EFNA5: variants seen among roughly 807,000 people sequenced by gnomAD.
EFNA5 encodes the protein ephrin-A5.
Under a neutral mutation model 22.9 loss-of-function variants are expected in EFNA5, and 5 were observed. The ratio of observed to expected loss-of-function variants is 0.22; its 90% CI spans 0.11 to 0.46. EFNA5 has a LOEUF of 0.46. EFNA5 is among the 20% of genes least tolerant of loss of function. EFNA5 has a pLI of 0.99. For missense variants in EFNA5, 237 were observed against 293.3 expected, an observed-to-expected ratio of 0.81 and a Z score of 1.40; for synonymous variants, 113 against 112.2, an observed-to-expected ratio of 1.01 and a Z score of -0.04.
At chr5:107,625,463 T>C (rs1750123036) in intron 1 of EFNA5, among the ~76,000 whole-genome samples, 1 of 152,190 alleles carries the variant, frequency 6.6e-6, no homozygotes, top group South Asian at 2.1e-4. Context: ...TTCCCATCAC[T>C]AATAACAATT....
At chr5:107,409,269 A>T (rs1748299536) in intron 2 of EFNA5, among the ~76,000 whole-genome samples, 1 of 152,250 alleles carries the variant, frequency 6.6e-6, no homozygotes, top group Admixed American at 6.5e-5. Flanking sequence ...GAGTAGCTTC[A>T]GAAGACATCA....
intron 1 of EFNA5, among the ~76,000 whole-genome samples, chr5:107,616,660 A>G (rs1297781589): frequency 2.0e-5 from 3 of 152,204 alleles, no homozygotes; most frequent in African/African-American, 7.2e-5. Flanking sequence ...GAAAAGAGCC[A>G]CATTTCAGTT....
intron 2 of EFNA5, among the ~76,000 whole-genome samples, chr5:107,395,783 C>T (rs1023653695): frequency 3.2e-4 from 49 of 152,232 alleles, no homozygotes; most frequent in African/African-American, 1.2e-3. Flanking sequence ...CAGCAACAAA[C>T]CAGATAGGCA....
At chr5:107,596,375 T>C (rs997914690) in intron 1 of EFNA5, among the ~76,000 whole-genome samples, 2 of 152,190 alleles carry the variant, frequency 1.3e-5, no homozygotes, top group African/African-American at 4.8e-5. Context: ...TTTTTCTTTC[T>C]GTGTCTGGCT....
At chr5:107,495,249 G>A (rs1416771322) in intron 1 of EFNA5, among the ~76,000 whole-genome samples, 1 of 152,124 alleles carries the variant, frequency 6.6e-6, no homozygotes, top group African/African-American at 2.4e-5. Flanking sequence ...CACTCCTGAA[G>A]TCAGCGGGAC....
At chr5:107,397,979 A>G (rs1747974250) in intron 2 of EFNA5, among the ~76,000 whole-genome samples, 1 of 152,162 alleles carries the variant, frequency 6.6e-6, no homozygotes, top group African/African-American at 2.4e-5. Context: ...ATACCACAGA[A>G]CAGCAGCCAG....
At chr5:107,482,513 G>A (rs144695025) in intron 1 of EFNA5, among the ~76,000 whole-genome samples, 1 of 152,090 alleles carries the variant, frequency 6.6e-6, no homozygotes, top group Non-Finnish European at 1.5e-5. Context: ...CCTATTCTCA[G>A]ATAAGACCCA....
chr5:107,481,695 C>T (rs1750466165), intron 1 of EFNA5, among the ~76,000 whole-genome samples: 1 of 151,500 alleles, frequency 6.6e-6, no homozygotes, highest in African/African-American at 2.4e-5. Context: ...CTAAAGATAA[C>T]ACAAATTAGT....
rs1462531399 is a variant in EFNA5 at position 107,378,953 on chromosome 5, C to T, written c.*2302G>A. On this transcript the variant is annotated 3_prime_UTR_variant, in exon 5 of 5. Coordinates refer to ENST00000333274, the MANE Select transcript of EFNA5 (RefSeq NM_001962.3). ...TTTAGAAGGTATCTTTCTCCCCCTACCCAAATCCCACTGGACCAACAAGCC... is the reference window on the plus strand; with the variant it reads ...TTTAGAAGGTATCTTTCTCCCCCTATCCAAATCCCACTGGACCAACAAGCC... 1 of 151,838 alleles carries T rather than the reference C, an allele frequency of 6.6e-6. No homozygotes were observed. Among genetic ancestry groups the T allele is most frequent in the African/African-American group, 2.4e-5 (1 of 41,302 alleles). The allele number at this position is 151,838 out of a possible 1,614,324, so 9.4% of individuals were successfully genotyped here.
chr5:107,408,329 T>A (rs554441636), intron 2 of EFNA5, among the ~76,000 whole-genome samples: 2 of 152,202 alleles, frequency 1.3e-5, no homozygotes, highest in Non-Finnish European at 2.9e-5. Flanking sequence ...CTCACAGCTA[T>A]CTTTTCAAAA....
chr5:107,545,292 A>G (rs1051207357), intron 1 of EFNA5, among the ~76,000 whole-genome samples: 10 of 152,260 alleles, frequency 6.6e-5, no homozygotes, highest in Non-Finnish European at 1.3e-4. Flanking sequence ...CACATTTTCA[A>G]AAACACATGC....
intron 1 of EFNA5, among the ~76,000 whole-genome samples, chr5:107,646,057 TTAAC>T (rs1750627938): frequency 6.6e-6 from 1 of 152,204 alleles, no homozygotes; most frequent in Admixed American, 6.5e-5. Context: ...AAAAAATTGG[TTAAC>T]TAAAGCACAG....
At chr5:107,651,150 T>C (rs1034435963) in intron 1 of EFNA5, among the ~76,000 whole-genome samples, 1 of 152,166 alleles carries the variant, frequency 6.6e-6, no homozygotes, top group Admixed American at 6.5e-5. Context: ...TCACTCCACA[T>C]AGCCCAGCTG....
chr5:107,573,122 G>A (rs1013660574), intron 1 of EFNA5, among the ~76,000 whole-genome samples: 2 of 152,134 alleles, frequency 1.3e-5, no homozygotes, highest in Non-Finnish European at 2.9e-5. Context: ...CACATTATCT[G>A]CCCTTAGTCT....
chr5:107,602,026 A>C (rs968622645), intron 1 of EFNA5, among the ~76,000 whole-genome samples: 2 of 152,228 alleles, frequency 1.3e-5, no homozygotes, highest in Admixed American at 1.3e-4. Context: ...AATACTAACA[A>C]TGAGCATTAC....
At chr5:107,410,189 G>T (rs568704825) in intron 2 of EFNA5, among the ~76,000 whole-genome samples, 1 of 151,874 alleles carries the variant, frequency 6.6e-6, no homozygotes, top group Admixed American at 6.6e-5. Context: ...CACCACACCC[G>T]GCTAATTTCT....
chr5:107,478,376 T>C (rs939357568), intron 1 of EFNA5, among the ~76,000 whole-genome samples: 14 of 152,178 alleles, frequency 9.2e-5, no homozygotes, highest in Non-Finnish European at 1.6e-4. Flanking sequence ...ACTGTGTAAT[T>C]AGCAACAACA....
intron 1 of EFNA5, among the ~76,000 whole-genome samples, chr5:107,557,636 C>T (rs764911009): frequency 2.0e-5 from 3 of 152,164 alleles, no homozygotes; most frequent in Non-Finnish European, 4.4e-5. Flanking sequence ...TGTGTGTGTA[C>T]TATAGTTCTC....
chr5:107,402,381 AT>A (rs1748109684), intron 2 of EFNA5, among the ~76,000 whole-genome samples: 1 of 152,216 alleles, frequency 6.6e-6, no homozygotes, highest in South Asian at 2.1e-4. Context: ...ATGCAGGTAA[AT>A]ATGATTAGTA....
Sources: allele counts gnomAD v4.1 joint callset (sites outside exome capture counted in the v4.1 genomes callset), GRCh38; gene constraint gnomAD v4.1.1; transcripts MANE v1.5; gene names NCBI Gene and HGNC (gene_info 2026-07-23, HGNC 2026-07-21).